TTC27: variants seen among roughly 807,000 people sequenced by gnomAD.
TTC27 encodes the protein tetratricopeptide repeat domain 27.
TTC27 carries 79 observed loss-of-function variants against 115.9 expected under a neutral mutation model. The ratio of observed to expected loss-of-function variants is 0.68; its 90% CI spans 0.57 to 0.82. TTC27 has a LOEUF of 0.82. Ranked by LOEUF, TTC27 falls within the 40% of genes least tolerant of loss-of-function variation. TTC27 has a pLI of 0.00. For synonymous variants in TTC27, 401 were observed against 356.0 expected, an observed-to-expected ratio of 1.13 and a Z score of -1.42; for missense variants, 1,054 against 993.1, an observed-to-expected ratio of 1.06 and a Z score of -0.82.
chr2:32,709,071 T>C (rs988878589), intron 10 of TTC27, among the ~76,000 whole-genome samples: 35 of 152,180 alleles, frequency 2.3e-4, no homozygotes, highest in African/African-American at 8.4e-4. Context: ...AAGTATAAGA[T>C]AAATATACAT....
At chr2:32,705,935 T>G (rs1301103752) in intron 10 of TTC27, among the ~76,000 whole-genome samples, 1 of 152,170 alleles carries the variant, frequency 6.6e-6, no homozygotes, top group Non-Finnish European at 1.5e-5. Flanking sequence ...AATAATTTTT[T>G]AAATTGGTAT....
At chr2:32,674,723 G>T (rs1030884424) in intron 8 of TTC27, among the ~76,000 whole-genome samples, 2 of 150,366 alleles carry the variant, frequency 1.3e-5, no homozygotes, top group Admixed American at 6.6e-5. Flanking sequence ...GCAGTGGCGC[G>T]ATCTCGGCTC....
chr2:32,721,720 T>C (rs1667935913), intron 10 of TTC27, among the ~76,000 whole-genome samples: 1 of 128,464 alleles, frequency 7.8e-6, no homozygotes, highest in Non-Finnish European at 1.6e-5. Flanking sequence ...AGTGGAATGA[T>C]TAAGCTCTGA....
At chr2:32,752,454 C>G (rs765623981) in intron 12 of TTC27, among the ~76,000 whole-genome samples, 8 of 152,138 alleles carry the variant, frequency 5.3e-5, no homozygotes, top group Non-Finnish European at 1.0e-4. Flanking sequence ...AGCAGTTGAG[C>G]AAATAATTTA....
chr2:32,695,313 G>C (rs1330478869), intron 9 of TTC27, among the ~76,000 whole-genome samples: 3 of 152,138 alleles, frequency 2.0e-5, no homozygotes, highest in African/African-American at 7.2e-5. Context: ...GCCAGGTGTG[G>C]TGACTTATGC....
intron 9 of TTC27, among the ~76,000 whole-genome samples, chr2:32,691,033 T>C (rs1329900806): frequency 6.6e-6 from 1 of 152,190 alleles, no homozygotes; most frequent in African/African-American, 2.4e-5. Context: ...GCGCCTTCAG[T>C]GTTTAAAGGA....
intron 12 of TTC27, among the ~76,000 whole-genome samples, chr2:32,738,036 A>G (rs1259012783): frequency 6.6e-6 from 1 of 152,118 alleles, no homozygotes; most frequent in Admixed American, 6.5e-5. Flanking sequence ...TGATAGAGTT[A>G]TAATATTTTT....
chr2:32,724,944 A>G (rs1352841100), intron 10 of TTC27, among the ~76,000 whole-genome samples: 1 of 152,210 alleles, frequency 6.6e-6, no homozygotes, highest in Non-Finnish European at 1.5e-5. Context: ...GGCAAGGAGG[A>G]GCAAGTCACA....
At chr2:32,667,103 C>T (rs1172940526) in intron 7 of TTC27, among the ~76,000 whole-genome samples, 1 of 152,068 alleles carries the variant, frequency 6.6e-6, no homozygotes, top group Non-Finnish European at 1.5e-5. Context: ...GGGTGTAGAC[C>T]AGTTTCTCTA....
intron 13 of TTC27, among the ~76,000 whole-genome samples, chr2:32,777,010 C>T (rs1670017756): frequency 6.6e-6 from 1 of 152,126 alleles, no homozygotes; most frequent in Non-Finnish European, 1.5e-5. Context: ...TAGCTACTTC[C>T]TATTTTATCT....
intron 10 of TTC27, among the ~76,000 whole-genome samples, chr2:32,718,723 G>A (rs1266051491): frequency 1.3e-5 from 2 of 152,114 alleles, no homozygotes; most frequent in Non-Finnish European, 2.9e-5. Context: ...TGAAGGCAGG[G>A]CTGACTGCAG....
intron 5 of TTC27, among the ~76,000 whole-genome samples, chr2:32,658,676 T>G (rs1441585651): frequency 6.6e-6 from 1 of 152,234 alleles, no homozygotes. Context: ...AGAGATAGTT[T>G]GTCAGTGATA....
At chr2:32,704,814 T>G in intron 10 of TTC27, 1 of 466,478 alleles carries the variant, frequency 2.1e-6, no homozygotes. Flanking sequence ...GTCATAGAAT[T>G]TTGGCTGTCA....
At position 32,628,186 on chromosome 2, in the gene TTC27, C is replaced by A. The variant is rs774318272; in HGVS notation, c.-107C>A. 5.0e-6 allele frequency: 5 copies of A among 1,008,298 alleles called. No homozygotes were observed. Among genetic ancestry groups the A allele is most frequent in the African/African-American group, 1.6e-5 (1 of 61,436 alleles). 62.5% of individuals were successfully genotyped at this position (1,008,298 alleles called of 1,614,324 possible). On this transcript the variant is annotated 5_prime_UTR_variant, in exon 1 of 20. Coordinates refer to ENST00000317907, the MANE Select transcript of TTC27 (RefSeq NM_017735.5). ...CCGCAGGTGTATTTACGGTAACTGT[C>A]GCCACTAGATTTCAGCGCCTTTGGA...
At position 32,715,866 on chromosome 2, in the gene TTC27, GT is replaced by G. The variant is rs71407464; in HGVS notation, c.1233+12958del. Among the ~76,000 whole-genome samples the G allele has an allele frequency of 4.2e-3, 590 of 141,754 alleles. 2 individuals are homozygous for G. The highest frequency in any genetic ancestry group is 0.013 in the African/African-American group (503 of 38,824). The allele number at this position is 141,754 out of a possible 152,430, so 93.0% of individuals were successfully genotyped here. On this transcript the variant is annotated intron_variant, in intron 10 of 19. Coordinates refer to ENST00000317907, the MANE Select transcript of TTC27 (RefSeq NM_017735.5). The stretch of plus-strand genomic sequence containing the variant: ...TTTGAGAAAGAGGTCCTTTATGTTT[GT>G]TTTTTTTTTTTAATACTGATGGAAT...
chr2:32,752,588 A>G (rs1669056398), intron 12 of TTC27, among the ~76,000 whole-genome samples: 1 of 152,184 alleles, frequency 6.6e-6, no homozygotes, highest in Admixed American at 6.5e-5. Flanking sequence ...AATCTCTTTT[A>G]CCATGTGGTC....
chr2:32,746,619 A>G (rs1470778518), intron 12 of TTC27, among the ~76,000 whole-genome samples: 2 of 151,122 alleles, frequency 1.3e-5, no homozygotes, highest in Admixed American at 1.3e-4. Flanking sequence ...GGAAATAGTA[A>G]CCAATAGCCA....
chr2:32,789,702 T>C (rs1361777751), intron 16 of TTC27, among the ~76,000 whole-genome samples: 9 of 151,948 alleles, frequency 5.9e-5, no homozygotes, highest in African/African-American at 2.2e-4. Context: ...GGAAAATTAC[T>C]TGAGCCCAGG....
chr2:32,726,935 A>C (rs1280473773), intron 10 of TTC27, among the ~76,000 whole-genome samples: 2 of 152,194 alleles, frequency 1.3e-5, no homozygotes, highest in Non-Finnish European at 2.9e-5. Context: ...GAGCTTTTGC[A>C]GGGGAACTCC....
Sources: gnomAD v4.1 joint callset for allele counts (sites outside exome capture counted in the v4.1 genomes callset) on GRCh38, gnomAD v4.1.1 for gene constraint, MANE v1.5 for transcripts, NCBI Gene and HGNC (gene_info 2026-07-23, HGNC 2026-07-21) for gene names.